Variants in NDUFAF6 observed in about 807,000 individuals in gnomAD.
NDUFAF6 encodes the protein NADH dehydrogenase (ubiquinone) complex I, assembly factor 6.
Under a neutral mutation model 40.8 loss-of-function variants are expected in NDUFAF6, and 45 were observed. The ratio of observed to expected loss-of-function variants is 1.10; its 90% CI spans 0.87 to 1.42. NDUFAF6 has a LOEUF of 1.42. NDUFAF6 is among the 40% of genes most tolerant of loss of function. NDUFAF6 has a pLI of 0.00. For missense variants in NDUFAF6, 435 were observed against 418.5 expected (o/e 1.04, Z -0.34); for synonymous variants, 185 against 155.9 (o/e 1.19, Z -1.39).
At chr8:94,904,952 C>G (rs1396907582) in intron 1 of NDUFAF6, among the ~76,000 whole-genome samples, 2 of 152,160 alleles carry the variant, frequency 1.3e-5, no homozygotes, top group Non-Finnish European at 1.5e-5. Context: ...GTAATCCCAG[C>G]ACTTTGGGAG....
At chr8:95,111,238 G>C (rs963025425) in intron 4 of NDUFAF6, among the ~76,000 whole-genome samples, 1 of 152,198 alleles carries the variant, frequency 6.6e-6, no homozygotes, top group Non-Finnish European at 1.5e-5. Flanking sequence ...CAAGCCAAAA[G>C]GAGTCATTGG....
In NDUFAF6 at chr8:94,992,492, G is replaced by GA. The variant is rs201036205; in HGVS notation, c.-84+11528dup. ...ACAGAGCAAGACTCCCGTCTCAAAA[G>GA]AAAAAAAAATGACATGTTAAAAAAG... On this transcript the variant is annotated intron_variant, in intron 2 of 9. Transcript: ENST00000396111. 1.0e-3 allele frequency among the ~76,000 whole-genome samples: 152 copies of GA among 149,770 alleles called. 2 individuals are homozygous for GA. The highest frequency in any genetic ancestry group is 0.01 in the East Asian group (52 of 5,124).
intron 6 of NDUFAF6, 85 bp downstream of exon 6, chr8:95,047,212 T>A: frequency 6.4e-7 from 1 of 1,572,532 alleles, no homozygotes; most frequent in Non-Finnish European, 8.7e-7. Context: ...CTTAGTCTAT[T>A]CAAGTAATTG....
chr8:95,116,302 G>C (rs933019447), exon 6 of NDUFAF6: 4 of 147,180 alleles, frequency 2.7e-5, no homozygotes, highest in African/African-American at 1.0e-4. Context: ...CTTCAGCCAT[G>C]ATCACTGGGG....
chr8:95,031,936 A>G, intron 1 of NDUFAF6, 59 bp from the exon 2 acceptor site: 3 of 1,512,778 alleles, frequency 2.0e-6, no homozygotes, highest in South Asian at 1.1e-5. Context: ...TTTAGTCAGT[A>G]TTTTTTTGTG....
At chr8:94,943,099 GGCA>G (rs1821699973) in intron 1 of NDUFAF6, among the ~76,000 whole-genome samples, 1 of 152,208 alleles carries the variant, frequency 6.6e-6, no homozygotes, top group Non-Finnish European at 1.5e-5. Flanking sequence ...ATGTCCAGCA[GGCA>G]GCAGGATATA....
At chr8:95,005,526 AATATAT>A (rs760333438) in intron 2 of NDUFAF6, among the ~76,000 whole-genome samples, 1,764 of 7,268 alleles carry the variant, frequency 0.24, 53 homozygotes, top group South Asian at 0.42. Context: ...GGTCCTTTTA[AATATAT>A]ATATATATAT....
upstream of NDUFAF6, among the ~76,000 whole-genome samples, chr8:95,096,057 T>G (rs896295496): frequency 6.6e-6 from 1 of 152,246 alleles, no homozygotes. Flanking sequence ...AGTTTATACA[T>G]CATTTGTTTT....
chr8:94,991,664 TA>T (rs1826196912), intron 2 of NDUFAF6, among the ~76,000 whole-genome samples: 1 of 152,170 alleles, frequency 6.6e-6, no homozygotes, highest in South Asian at 2.1e-4. Flanking sequence ...ATAAGCAAAT[TA>T]AATATATTTT....
chr8:95,013,188 A>G (rs1827296630), intron 2 of NDUFAF6, among the ~76,000 whole-genome samples: 1 of 151,978 alleles, frequency 6.6e-6, no homozygotes, highest in African/African-American at 2.4e-5. Flanking sequence ...TGCAGCCTCA[A>G]ACTCCTGGGC....
chr8:95,062,324 A>G (rs140947670), downstream of NDUFAF6, among the ~76,000 whole-genome samples: 24 of 152,330 alleles, frequency 1.6e-4, 1 homozygote, highest in Middle Eastern at 0.017. Context: ...GTTGTGAGGA[A>G]TAAGTGAATT....
At chr8:95,089,776 A>G (rs1809188733) in intron 2 of NDUFAF6, among the ~76,000 whole-genome samples, 1 of 152,188 alleles carries the variant, frequency 6.6e-6, no homozygotes, top group African/African-American at 2.4e-5. Context: ...TGCTCAGCTC[A>G]TTGTGGAGTC....
downstream of NDUFAF6, among the ~76,000 whole-genome samples, chr8:95,104,071 C>T (rs1463256350): frequency 6.6e-6 from 1 of 152,262 alleles, no homozygotes; most frequent in Non-Finnish European, 1.5e-5. Flanking sequence ...GAGACAAGGT[C>T]TCACTATGTT....
intron 1 of NDUFAF6, among the ~76,000 whole-genome samples, chr8:94,896,248 G>C (rs1817549736): frequency 6.7e-6 from 1 of 148,164 alleles, no homozygotes; most frequent in South Asian, 2.1e-4. Flanking sequence ...TGCAGGCCCC[G>C]GGCCCGCCTG....
At chr8:95,078,658 A>ATATATAT (rs1434290595), downstream of NDUFAF6, 460 of 62,646 alleles carry the variant, frequency 7.3e-3, 1 homozygote, top group African/African-American at 0.022. Flanking sequence ...TTAAAAAAAA[A>ATATATAT]AAAAATATAT....
chr8:95,058,854 C>G, downstream of NDUFAF6: 10 of 871,040 alleles, frequency 1.1e-5, no homozygotes, highest in Non-Finnish European at 1.4e-5. Context: ...TTGTTTGAGA[C>G]CAGCCTGGGC....
At chr8:94,928,828 T>G (rs1357650358) in intron 1 of NDUFAF6, 2 of 152,408 alleles carry the variant, frequency 1.3e-5, no homozygotes, top group Non-Finnish European at 1.5e-5. Flanking sequence ...AATATAATAC[T>G]TCACTTAAGG....
At chr8:94,935,611 C>G (rs1820903833) in intron 1 of NDUFAF6, among the ~76,000 whole-genome samples, 1 of 152,156 alleles carries the variant, frequency 6.6e-6, no homozygotes, top group South Asian at 2.1e-4. Flanking sequence ...CCAAAGGCCT[C>G]TCCTACACAA....
chr8:94,939,986 G>A, intron 1 of NDUFAF6: 1 of 1,614,186 alleles, frequency 6.2e-7, no homozygotes, highest in Non-Finnish European at 8.5e-7. Context: ...CATAGGACTT[G>A]TTTCCACCTT....
Sources: gnomAD v4.1 joint callset for allele counts (sites outside exome capture counted in the v4.1 genomes callset) on GRCh38, gnomAD v4.1.1 for gene constraint, MANE v1.5 for transcripts, NCBI Gene and HGNC (gene_info 2026-07-23, HGNC 2026-07-21) for gene names.